LRP1B: variants seen among roughly 807,000 people sequenced by gnomAD.
LRP1B encodes the protein LDL receptor related protein 1B, also known as low-density lipoprotein receptor-related protein 1B.
Under a neutral mutation model 556.6 loss-of-function variants are expected in LRP1B, and 217 were observed. The observed-to-expected ratio is 0.39, with a 90% CI of 0.35 to 0.44. LRP1B has a LOEUF of 0.44. LRP1B is among the 20% of genes least tolerant of loss of function. The pLI is 1.00. For missense variants in LRP1B, 5,053 were observed against 5,620.8 expected, an observed-to-expected ratio of 0.90 and a Z score of 3.23; for synonymous variants, 2,047 against 1,865.8, an observed-to-expected ratio of 1.10 and a Z score of -2.50.
chr2:141,965,598 G>C (rs1488917714), intron 1 of LRP1B, among the ~76,000 whole-genome samples: 1 of 96,110 alleles, frequency 1.0e-5, no homozygotes, highest in African/African-American at 4.1e-5. Flanking sequence ...GACTGTGGTG[G>C]GGAGGGGGGA....
intron 15 of LRP1B, among the ~76,000 whole-genome samples, chr2:141,002,220 T>G (rs1309084171): frequency 7.3e-6 from 1 of 136,246 alleles, no homozygotes; most frequent in Non-Finnish European, 1.6e-5. Flanking sequence ...AAATTTCCAT[T>G]ACTAAAGAAA....
intron 7 of LRP1B, among the ~76,000 whole-genome samples, chr2:141,081,880 A>G (rs1418732981): frequency 1.3e-5 from 2 of 152,330 alleles, no homozygotes; most frequent in East Asian, 1.9e-4. Context: ...TTTGCCAGAC[A>G]ATACCTATAA....
At chr2:141,519,729 T>A (rs1483144) in intron 2 of LRP1B, among the ~76,000 whole-genome samples, 37,342 of 151,882 alleles carry the variant, frequency 0.25, 5,305 homozygotes, top group African/African-American at 0.38. Flanking sequence ...AGACCTGTAC[T>A]CAATGTGTTG....
At chr2:140,808,337 T>C (rs1049189496) in intron 32 of LRP1B, among the ~76,000 whole-genome samples, 1 of 149,602 alleles carries the variant, frequency 6.7e-6, no homozygotes, top group African/African-American at 2.5e-5. Context: ...AATGTAATTA[T>C]GTTTTATATT....
intron 6 of LRP1B, among the ~76,000 whole-genome samples, chr2:141,222,069 A>G (rs1421294995): frequency 6.6e-6 from 1 of 152,100 alleles, no homozygotes; most frequent in Non-Finnish European, 1.5e-5. Flanking sequence ...ACAAGAAATA[A>G]CCCAGATCAG....
chr2:140,329,144 C>A (rs1680656622), intron 79 of LRP1B, among the ~76,000 whole-genome samples: 1 of 152,086 alleles, frequency 6.6e-6, no homozygotes, highest in Non-Finnish European at 1.5e-5. Flanking sequence ...TTGTCTGACA[C>A]ACCATTCATT....
intron 3 of LRP1B, among the ~76,000 whole-genome samples, chr2:141,274,927 A>G (rs1685227361): frequency 6.6e-6 from 1 of 152,194 alleles, no homozygotes; most frequent in Non-Finnish European, 1.5e-5. Flanking sequence ...AAGTCAACCA[A>G]AAATTTATTA....
In LRP1B at chr2:140,442,560, A is replaced by G. The variant is rs772717539; in HGVS notation, c.10358T>C (p.Leu3453Pro). The G allele has an allele frequency of 6.2e-7, 1 of 1,614,042 alleles. No homozygotes were observed. Among genetic ancestry groups the G allele is most frequent in the Middle Eastern group, 1.7e-4 (1 of 6,060 alleles). Reference protein sequence around the residue: ...CKTTKHCISKLWVCDEDPDCA... With the variant: ...CKTTKHCISKPWVCDEDPDCA... Reference sequence around the variant, plus strand: ...GTCTGGATCCTCGTCACAAACCCACAGCTTGGAAATGCAATGCTTCGTAGT... The same window carrying G: ...GTCTGGATCCTCGTCACAAACCCACGGCTTGGAAATGCAATGCTTCGTAGT... The change falls in exon 66 of 91, where the codon CTG (leucine) becomes CCG (proline). Residue 3453 changes from leucine to proline, a missense_variant. By Grantham distance (98) the Leu-to-Pro change is moderately conservative. Transcript: ENST00000389484.
intron 45 of LRP1B, among the ~76,000 whole-genome samples, chr2:140,540,505 T>G (rs770570842): frequency 2.2e-4 from 34 of 152,240 alleles, no homozygotes; most frequent in Non-Finnish European, 4.7e-4. Context: ...GCATTCTTAA[T>G]TAACAGTTTG....
intron 6 of LRP1B, among the ~76,000 whole-genome samples, chr2:141,199,521 T>C (rs761449489): frequency 1.3e-5 from 2 of 152,236 alleles, no homozygotes; most frequent in Non-Finnish European, 2.9e-5. Context: ...GCTCCTAAAC[T>C]CCCTGTTCTA....
chr2:141,302,773 T>C (rs1161123149), intron 3 of LRP1B, among the ~76,000 whole-genome samples: 2 of 152,104 alleles, frequency 1.3e-5, no homozygotes, highest in Admixed American at 1.3e-4. Context: ...ATGTCAAATC[T>C]ATTTGGATAG....
At chr2:141,479,095 G>C (rs991427077) in intron 3 of LRP1B, among the ~76,000 whole-genome samples, 1 of 152,150 alleles carries the variant, frequency 6.6e-6, no homozygotes, top group African/African-American at 2.4e-5. Flanking sequence ...CCTTCCTTTA[G>C]AAAGAGGGAA....
chr2:141,333,871 A>G (rs1687748800), intron 3 of LRP1B, among the ~76,000 whole-genome samples: 1 of 152,102 alleles, frequency 6.6e-6, no homozygotes, highest in African/African-American at 2.4e-5. Flanking sequence ...CAGAGTGTGC[A>G]TATGTGTATG....
At chr2:141,340,512 C>T (rs963695143) in intron 3 of LRP1B, among the ~76,000 whole-genome samples, 4 of 152,064 alleles carry the variant, frequency 2.6e-5, no homozygotes, top group Admixed American at 6.6e-5. Context: ...AGCAAAAATG[C>T]CTTTAATAAA....
chr2:140,681,699 T>C (rs536134761), intron 41 of LRP1B, among the ~76,000 whole-genome samples: 68 of 152,308 alleles, frequency 4.5e-4, no homozygotes, highest in African/African-American at 1.6e-3. Flanking sequence ...AAAAATATTA[T>C]ACTACTTGGC....
chr2:141,053,828 A>ATG (rs59661474), intron 10 of LRP1B, among the ~76,000 whole-genome samples: 3,102 of 150,190 alleles, frequency 0.021, 78 homozygotes, highest in East Asian at 0.15. Context: ...GTGTGTATAT[A>ATG]TGTGTGTGTG....
chr2:141,131,413 A>ATATATATATATATATATATATG (rs1348072306), intron 7 of LRP1B, among the ~76,000 whole-genome samples: 9 of 143,638 alleles, frequency 6.3e-5, no homozygotes, highest in Non-Finnish European at 1.1e-4. Context: ...AAAGTTATAT[A>ATATATATATATATATATATATG]TATATATATA....
intron 27 of LRP1B, among the ~76,000 whole-genome samples, chr2:140,861,018 C>T (rs944230532): frequency 2.0e-5 from 3 of 147,064 alleles, no homozygotes; most frequent in African/African-American, 7.3e-5. Flanking sequence ...ATCTATCTAT[C>T]TATCTATCTA....
intron 1 of LRP1B, among the ~76,000 whole-genome samples, chr2:141,894,109 C>G (rs896992940): frequency 2.6e-5 from 4 of 152,066 alleles, no homozygotes; most frequent in African/African-American, 9.7e-5. Flanking sequence ...TATATCATTA[C>G]CTTTACAAAT....
Sources: gnomAD v4.1 joint callset for allele counts (sites outside exome capture counted in the v4.1 genomes callset) on GRCh38, gnomAD v4.1.1 for gene constraint, MANE v1.5 for transcripts, NCBI Gene and HGNC (gene_info 2026-07-23, HGNC 2026-07-21) for gene names.